Variants in VAV3 observed in about 807,000 individuals in gnomAD.
The protein encoded by VAV3 is guanine nucleotide exchange factor VAV3.
A neutral mutation model predicts 131.2 loss-of-function variants in VAV3; 94 were observed. That is an observed-to-expected ratio of 0.72 (90% CI 0.61 to 0.85). VAV3 has a LOEUF of 0.85. Ranked by LOEUF, VAV3 falls within the 40% of genes least tolerant of loss-of-function variation. VAV3 has a pLI of 0.00. For synonymous variants in VAV3, 349 were observed against 342.0 expected, an observed-to-expected ratio of 1.02 and a Z score of -0.22; for missense variants, 939 against 1,002.7, an observed-to-expected ratio of 0.94 and a Z score of 0.86.
Position 107,572,100 on chromosome 1 carries a change from T to C in VAV3, c.*1231A>G, listed in dbSNP as rs1430053202. ...ACTTGACTGCCTTGAATGGGGACTC[T>C]GGACCCCAGGAAGAATGTATTTAGG... On this transcript the variant is annotated 3_prime_UTR_variant, in exon 27 of 27. Transcript: ENST00000370056. 6.6e-6 allele frequency: 1 copy of C among 152,244 alleles called. No homozygotes were observed. Among genetic ancestry groups the C allele is most frequent in the Non-Finnish European group, 1.5e-5 (1 of 68,052 alleles). 9.4% of individuals were successfully genotyped at this position (152,244 alleles called of 1,614,324 possible).
chr1:107,684,631 C>A (rs763096969), intron 18 of VAV3, among the ~76,000 whole-genome samples: 1 of 152,150 alleles, frequency 6.6e-6, no homozygotes, highest in Non-Finnish European at 1.5e-5. Flanking sequence ...TTTACTCCAA[C>A]TACTTTCAAC....
chr1:107,652,326 C>T (rs137960924), intron 19 of VAV3, among the ~76,000 whole-genome samples: 2,090 of 152,222 alleles, frequency 0.014, 56 homozygotes, highest in African/African-American at 0.048. Context: ...GAATAATCCA[C>T]CCCTTGTTTA....
chr1:107,899,890 T>C (rs10494082), intron 1 of VAV3, among the ~76,000 whole-genome samples: 34,018 of 152,126 alleles, frequency 0.22, 3,917 homozygotes, highest in African/African-American at 0.27. Flanking sequence ...TACTTTGATC[T>C]GTATCTTAGC....
chr1:107,841,730 G>A (rs977910190), intron 2 of VAV3, among the ~76,000 whole-genome samples: 2 of 152,090 alleles, frequency 1.3e-5, no homozygotes, highest in African/African-American at 4.8e-5. Context: ...CTCTAGGTCT[G>A]AGCTGTCCAT....
At chr1:107,743,721 T>C (rs1663158681) in intron 15 of VAV3, among the ~76,000 whole-genome samples, 1 of 152,124 alleles carries the variant, frequency 6.6e-6, no homozygotes, top group South Asian at 2.1e-4. Flanking sequence ...TAAAACAAAT[T>C]ATGTTTGATG....
intron 15 of VAV3, among the ~76,000 whole-genome samples, chr1:107,720,864 T>C (rs569085089): frequency 6.6e-6 from 1 of 152,310 alleles, no homozygotes; most frequent in South Asian, 2.1e-4. Flanking sequence ...AGTCACAGAA[T>C]TGCCTTTCTC....
intron 19 of VAV3, among the ~76,000 whole-genome samples, chr1:107,658,322 C>T (rs1169155338): frequency 6.6e-6 from 1 of 152,176 alleles, no homozygotes; most frequent in Non-Finnish European, 1.5e-5. Flanking sequence ...TGTATATGTG[C>T]CACATTTTCT....
chr1:107,700,317 T>C (rs564096992), intron 17 of VAV3, among the ~76,000 whole-genome samples: 1 of 152,360 alleles, frequency 6.6e-6, no homozygotes, highest in African/African-American at 2.4e-5. Context: ...TTATTTTAAG[T>C]TCCAGGGTAC....
chr1:107,871,803 G>A (rs1670266238), intron 2 of VAV3, among the ~76,000 whole-genome samples: 1 of 152,068 alleles, frequency 6.6e-6, no homozygotes, highest in Admixed American at 6.6e-5. Flanking sequence ...GGAGAGCTTG[G>A]ACAAAGTTTA....
chr1:107,766,976 T>C (rs1053216185), intron 7 of VAV3, among the ~76,000 whole-genome samples: 2 of 152,212 alleles, frequency 1.3e-5, no homozygotes, highest in Admixed American at 6.5e-5. Context: ...AAAATATGTA[T>C]AGCTTATTTT....
At chr1:107,788,101 G>A (rs944454465) in intron 2 of VAV3, among the ~76,000 whole-genome samples, 16 of 151,886 alleles carry the variant, frequency 1.1e-4, no homozygotes, top group African/African-American at 2.4e-4. Context: ...GCTATGTCTC[G>A]GCCCTCTCTA....
chr1:107,832,604 T>C (rs2102392573), intron 2 of VAV3, among the ~76,000 whole-genome samples: 1 of 152,350 alleles, frequency 6.6e-6, no homozygotes, highest in Middle Eastern at 3.4e-3. Context: ...TATTTTTTAA[T>C]TTATGAACTC....
intron 2 of VAV3, among the ~76,000 whole-genome samples, chr1:107,848,698 A>G (rs2100946480): frequency 6.6e-6 from 1 of 152,320 alleles, no homozygotes; most frequent in African/African-American, 2.4e-5. Context: ...ACTCCTATTC[A>G]AAGCAATATT....
chr1:107,603,194 A>T, intron 22 of VAV3, 31 bp from the exon 23 acceptor site: 1 of 1,550,702 alleles, frequency 6.4e-7, no homozygotes, highest in East Asian at 2.2e-5. Flanking sequence ...GAAAATTTGG[A>T]TAATATACCT....
intron 19 of VAV3, among the ~76,000 whole-genome samples, chr1:107,663,268 T>G (rs964237983): frequency 2.6e-5 from 4 of 152,314 alleles, no homozygotes; most frequent in Admixed American, 2.6e-4. Flanking sequence ...CTACACTGTT[T>G]TACAGGCTTG....
At chr1:107,705,530 A>G (rs1380252448) in intron 15 of VAV3, among the ~76,000 whole-genome samples, 1 of 152,170 alleles carries the variant, frequency 6.6e-6, no homozygotes, top group East Asian at 1.9e-4. Context: ...ATTTTATAGA[A>G]AGTTTTAAAA....
At chr1:107,673,137 C>A (rs1384582141) in intron 19 of VAV3, among the ~76,000 whole-genome samples, 1 of 152,162 alleles carries the variant, frequency 6.6e-6, no homozygotes, top group African/African-American at 2.4e-5. Context: ...TAATGTTCAA[C>A]AATAAATTAT....
intron 6 of VAV3, among the ~76,000 whole-genome samples, chr1:107,769,844 CGGTT>C (rs1664939772): frequency 6.6e-6 from 1 of 152,120 alleles, no homozygotes; most frequent in African/African-American, 2.4e-5. Context: ...TCATCCAATC[CGGTT>C]GGTTCTATGT....
chr1:107,870,231 G>A (rs1343859264), intron 2 of VAV3, among the ~76,000 whole-genome samples: 2 of 152,148 alleles, frequency 1.3e-5, no homozygotes, highest in Admixed American at 6.6e-5. Context: ...TATAGTGGTT[G>A]TACTAGTTTA....
Sources: gnomAD v4.1 joint callset for allele counts (sites outside exome capture counted in the v4.1 genomes callset) on GRCh38, gnomAD v4.1.1 for gene constraint, MANE v1.5 for transcripts, NCBI Gene and HGNC (gene_info 2026-07-23, HGNC 2026-07-21) for gene names.